LINGO1: variants seen among roughly 807,000 people sequenced by gnomAD.
LINGO1 encodes the protein leucine-rich repeat and immunoglobulin-like domain-containing nogo receptor-interacting protein 1.
Under a neutral mutation model 37.3 loss-of-function variants are expected in LINGO1, and 11 were observed. That is an observed-to-expected ratio of 0.29 (90% CI 0.19 to 0.49). The LOEUF (loss-of-function observed/expected upper bound fraction) is 0.49, where lower values mean the gene tolerates loss of function less well. Among genes scored for constraint, LINGO1 ranks in the 20% least tolerant of loss-of-function variants. The pLI is 0.99. For missense variants in LINGO1, 585 were observed against 878.2 expected, an observed-to-expected ratio of 0.67 and a Z score of 4.22; for synonymous variants, 387 against 403.0, an observed-to-expected ratio of 0.96 and a Z score of 0.48.
intron 3 of LINGO1, among the ~76,000 whole-genome samples, chr15:77,658,856 G>A (rs1483840284): frequency 6.6e-6 from 1 of 152,234 alleles, no homozygotes; most frequent in Admixed American, 6.5e-5. Flanking sequence ...GACGGAGTGG[G>A]AGAGGAGCAG....
chr15:77,708,313 T>G (rs922755172), intron 2 of LINGO1, among the ~76,000 whole-genome samples: 1 of 152,058 alleles, frequency 6.6e-6, no homozygotes, highest in East Asian at 1.9e-4. Flanking sequence ...CAGTGTGCCC[T>G]GAAGAGCAGA....
chr15:77,662,499 TC>T (rs903713570), intron 3 of LINGO1, among the ~76,000 whole-genome samples: 11 of 152,158 alleles, frequency 7.2e-5, no homozygotes, highest in Admixed American at 7.2e-4. Flanking sequence ...GCCAATACCC[TC>T]CACCCTCTCT....
upstream of LINGO1, among the ~76,000 whole-genome samples, chr15:77,700,278 C>A (rs541253825): frequency 6.6e-6 from 1 of 152,298 alleles, no homozygotes; most frequent in East Asian, 1.9e-4. Flanking sequence ...CTAATAAGAG[C>A]ATTGCAGAGA....
intron 1 of LINGO1, among the ~76,000 whole-genome samples, chr15:77,818,289 C>G (rs989800331): frequency 6.6e-6 from 1 of 152,236 alleles, no homozygotes; most frequent in African/African-American, 2.4e-5. Flanking sequence ...CTCTCAGAGG[C>G]ACCATCTTGG....
intron 1 of LINGO1, among the ~76,000 whole-genome samples, chr15:77,765,916 C>G (rs910686822): frequency 6.6e-6 from 1 of 152,142 alleles, no homozygotes. Context: ...GCACCCCACT[C>G]CTAAATAGAA....
At chr15:77,697,216 G>C (rs901791046), upstream of LINGO1, among the ~76,000 whole-genome samples, 2 of 152,220 alleles carry the variant, frequency 1.3e-5, no homozygotes, top group Non-Finnish European at 2.9e-5. Context: ...GTCAGGCGGG[G>C]GCAGAACTGA....
Position 77,614,950 on chromosome 15 carries a change from C to A in LINGO1, c.957G>T (p.Val319=), listed in dbSNP as rs1304382918. The A allele has an allele frequency of 8.1e-6, 13 of 1,613,770 alleles. No homozygotes were observed. The highest frequency in any genetic ancestry group is 1.7e-5 in the Admixed American group (1 of 60,000). ...ELLRLQEIQL[V]GGQLAVVEPY... ...GCTCCACCACGGCCAGCTGCCCGCC[C>A]ACCAGCTGGATCTCCTGCAGCCGGA... Residue 319 remains valine, a synonymous_variant, in exon 2 of 2, where the codon GTG becomes GTT. Coordinates refer to ENST00000355300, the MANE Select transcript of LINGO1 (RefSeq NM_032808.7).
intron 2 of LINGO1, among the ~76,000 whole-genome samples, chr15:77,685,476 C>G (rs1014311754): frequency 1.3e-5 from 2 of 152,178 alleles, no homozygotes; most frequent in Non-Finnish European, 1.5e-5. Context: ...GGATGTCTGC[C>G]TGTGTACCAG....
At chr15:77,812,327 G>A (rs78497148) in intron 1 of LINGO1, among the ~76,000 whole-genome samples, 2,234 of 152,324 alleles carry the variant, frequency 0.015, 17 homozygotes, top group Non-Finnish European at 0.021. Flanking sequence ...TACCGGTGGA[G>A]CAGAAATGAT....
At chr15:77,658,796 C>A (rs866626397) in intron 3 of LINGO1, among the ~76,000 whole-genome samples, 1 of 152,124 alleles carries the variant, frequency 6.6e-6, no homozygotes, top group Non-Finnish European at 1.5e-5. Flanking sequence ...CATGATGAAA[C>A]CAGCAATGTG....
intron 2 of LINGO1, among the ~76,000 whole-genome samples, chr15:77,706,338 CCT>C: frequency 1.3e-5 from 2 of 152,330 alleles, no homozygotes; most frequent in South Asian, 4.1e-4. Flanking sequence ...CTTCTGTGTC[CCT>C]GTGTCCCTCT....
chr15:77,808,443 C>A (rs7167089), intron 1 of LINGO1, among the ~76,000 whole-genome samples: 145,628 of 152,268 alleles, frequency 0.96, 69,733 homozygotes, highest in African/African-American at 0.99. Flanking sequence ...AGCCAAGATC[C>A]CACAGCCCTA....
At chr15:77,739,517 T>G (rs1467360160) in intron 1 of LINGO1, among the ~76,000 whole-genome samples, 2 of 152,160 alleles carry the variant, frequency 1.3e-5, no homozygotes, top group Non-Finnish European at 2.9e-5. Flanking sequence ...CTTTTTCCCT[T>G]GGGATGCCTT....
At chr15:77,728,173 G>A (rs1017884400) in intron 2 of LINGO1, among the ~76,000 whole-genome samples, 1 of 152,186 alleles carries the variant, frequency 6.6e-6, no homozygotes, top group Non-Finnish European at 1.5e-5. Context: ...CTCCTGGCCC[G>A]GCCAGGTCTG....
At chr15:77,707,557 C>T (rs1246280167) in intron 2 of LINGO1, 1 of 152,214 alleles carries the variant, frequency 6.6e-6, no homozygotes, top group Non-Finnish European at 1.5e-5. Flanking sequence ...AAGAAAATCC[C>T]CTAAACAGGT....
At chr15:77,710,257 C>T (rs767993303) in intron 2 of LINGO1, among the ~76,000 whole-genome samples, 1 of 152,200 alleles carries the variant, frequency 6.6e-6, no homozygotes, top group Admixed American at 6.5e-5. Context: ...AGCTCCGACA[C>T]CAAATGAAGC....
At chr15:77,724,319 A>T (rs1596158290) in intron 2 of LINGO1, among the ~76,000 whole-genome samples, 1 of 152,274 alleles carries the variant, frequency 6.6e-6, no homozygotes, top group East Asian at 1.9e-4. Context: ...AGGGGTGTGA[A>T]TTGGGCAGGG....
intron 1 of LINGO1, among the ~76,000 whole-genome samples, chr15:77,748,691 T>C (rs1031513170): frequency 2.6e-5 from 4 of 151,856 alleles, no homozygotes; most frequent in Non-Finnish European, 4.4e-5. Flanking sequence ...TTTTTTTCTT[T>C]TTCTTTTTTC....
rs1596016937 is a variant in LINGO1 at position 77,632,255 on chromosome 15, G to A, written c.6+55C>T. The A allele has an allele frequency of 7.5e-7, 1 of 1,340,888 alleles. No homozygotes were observed. The highest frequency in any genetic ancestry group is 9.5e-7 in the Non-Finnish European group (1 of 1,052,446). 83.1% of individuals were successfully genotyped at this position (1,340,888 alleles called of 1,614,324 possible). ...AGCCAGGGCCGATGGCGGCCCCCAGGGGCACTCGCCGCGGGGCTGCCCGCT... is the reference window on the plus strand; with the variant it reads ...AGCCAGGGCCGATGGCGGCCCCCAGAGGCACTCGCCGCGGGGCTGCCCGCT... On this transcript the variant is annotated intron_variant, in intron 1 of 1. Transcript: ENST00000355300. The surrounding 1 kb of genome is among the most constrained non-coding windows in gnomAD (Gnocchi z 6.0).
Sources: allele counts gnomAD v4.1 joint callset (sites outside exome capture counted in the v4.1 genomes callset), GRCh38; gene constraint gnomAD v4.1.1; non-coding constraint Gnocchi (gnomAD v3.1); transcripts MANE v1.5; gene names NCBI Gene and HGNC (gene_info 2026-07-23, HGNC 2026-07-21).